Variants in CYTH3 observed in about 807,000 individuals in gnomAD.
CYTH3 encodes the protein cytohesin 3, also known as cytohesin-3.
In CYTH3, 23 loss-of-function variants were observed where a neutral mutation model predicts 55.1. The ratio of observed to expected loss-of-function variants is 0.42; its 90% CI spans 0.30 to 0.59. CYTH3 has a LOEUF of 0.59. Ranked by LOEUF, CYTH3 falls within the 20% of genes least tolerant of loss-of-function variation. The pLI is 0.20. For missense variants in CYTH3, 413 were observed against 524.8 expected (o/e 0.79, Z 2.08); for synonymous variants, 249 against 194.9 (o/e 1.28, Z -2.31).
intron 6 of CYTH3, chr7:6,172,948 G>C: frequency 4.3e-6 from 5 of 1,152,786 alleles, no homozygotes; most frequent in African/African-American, 1.6e-5. Flanking sequence ...ACGTAAACGA[G>C]AACAAGGTAT....
At chr7:6,165,959 C>T in intron 9 of CYTH3, 149 bp from the exon 10 acceptor site, 1 of 730,842 alleles carries the variant, frequency 1.4e-6, no homozygotes, top group South Asian at 1.8e-5. Context: ...AGCGTTCCCA[C>T]CGCAGGGCCC....
chr7:6,205,976 C>G (rs1292169192), intron 1 of CYTH3, among the ~76,000 whole-genome samples: 3 of 135,280 alleles, frequency 2.2e-5, no homozygotes, highest in Non-Finnish European at 4.8e-5. Flanking sequence ...AGAGAAACAA[C>G]TGCTTAAACC....
chr7:6,227,368 A>G (rs764584887), intron 1 of CYTH3, among the ~76,000 whole-genome samples: 5 of 152,178 alleles, frequency 3.3e-5, no homozygotes, highest in Non-Finnish European at 7.3e-5. Context: ...AAAGTCAAAT[A>G]GTACTGAAAG....
chr7:6,253,541 G>A (rs956396814), intron 1 of CYTH3, among the ~76,000 whole-genome samples: 15 of 152,024 alleles, frequency 9.9e-5, no homozygotes, highest in Non-Finnish European at 2.2e-4. Flanking sequence ...AAAACAGCCG[G>A]GCACGGTGGC....
chr7:6,219,655 G>A (rs767024834), intron 1 of CYTH3, among the ~76,000 whole-genome samples: 4 of 152,140 alleles, frequency 2.6e-5, no homozygotes, highest in African/African-American at 4.8e-5. Context: ...ATCTATGGAG[G>A]GCCCTCTTGT....
intron 1 of CYTH3, among the ~76,000 whole-genome samples, chr7:6,252,046 G>A (rs1232327947): frequency 6.6e-6 from 1 of 152,134 alleles, no homozygotes; most frequent in East Asian, 1.9e-4. Context: ...ATATGGACCT[G>A]GTCCTGTTAA....
chr7:6,263,116 T>C (rs1022286665), intron 1 of CYTH3, among the ~76,000 whole-genome samples: 13 of 152,308 alleles, frequency 8.5e-5, no homozygotes, highest in Non-Finnish European at 1.8e-4. Flanking sequence ...TTCTCCAAAA[T>C]ACATTCCATC....
chr7:6,171,356 A>C lies in CYTH3; in HGVS notation c.450-42T>G. The C allele has an allele frequency of 6.3e-7, 1 of 1,590,584 alleles. No homozygotes were observed. The highest frequency in any genetic ancestry group is 2.2e-5 in the East Asian group (1 of 44,694). On this transcript the variant is annotated intron_variant, in intron 6 of 12. Transcript: ENST00000350796. The surrounding 1 kb of genome is among the most constrained non-coding windows in gnomAD (Gnocchi z 6.7). ...GCCATGGGAAGCCGCATCAGAACCAACACCGCCTCACGGCCAAGGGCGGCT... is the reference window on the plus strand; with the variant it reads ...GCCATGGGAAGCCGCATCAGAACCACCACCGCCTCACGGCCAAGGGCGGCT...
chr7:6,228,644 A>G (rs574436210), intron 1 of CYTH3, among the ~76,000 whole-genome samples: 1 of 152,280 alleles, frequency 6.6e-6, no homozygotes, highest in East Asian at 1.9e-4. Flanking sequence ...CAACTTTAAC[A>G]TTTCGCTTCT....
intron 1 of CYTH3, among the ~76,000 whole-genome samples, chr7:6,215,058 G>A (rs1182101645): frequency 1.3e-5 from 2 of 152,142 alleles, no homozygotes; most frequent in Non-Finnish European, 2.9e-5. Flanking sequence ...GGGATAGGAT[G>A]CCCTCTCTTC....
intron 4 of CYTH3, among the ~76,000 whole-genome samples, chr7:6,185,798 T>C (rs886327014): frequency 1.3e-5 from 2 of 151,994 alleles, no homozygotes; most frequent in African/African-American, 4.8e-5. Context: ...CTTCTGTAAA[T>C]ATCACCTGCA....
At chr7:6,190,617 A>G (rs1050292832) in intron 1 of CYTH3, 86 bp from the exon 2 acceptor site, 115 of 1,014,166 alleles carry the variant, frequency 1.1e-4, no homozygotes, top group Admixed American at 1.9e-4. Flanking sequence ...GCTGCCACCC[A>G]GCAATTCCAT....
chr7:6,232,921 G>A (rs1779424895), intron 1 of CYTH3, among the ~76,000 whole-genome samples: 2 of 151,894 alleles, frequency 1.3e-5, no homozygotes, highest in Non-Finnish European at 2.9e-5. Context: ...ATGGTATTTG[G>A]TACTCCTGAC....
Position 6,167,254 on chromosome 7 carries a change from C to G in CYTH3, c.824-1444G>C, listed in dbSNP as rs1783036852. Among the ~76,000 whole-genome samples the G allele has an allele frequency of 3.3e-5, 5 of 152,202 alleles. No homozygotes were observed. The highest frequency in any genetic ancestry group is 3.3e-4 in the Admixed American group (5 of 15,284). On this transcript the variant is annotated intron_variant, in intron 9 of 12. Coordinates refer to ENST00000350796, the MANE Select transcript of CYTH3 (RefSeq NM_004227.4). The surrounding 1 kb of genome is among the most constrained non-coding windows in gnomAD (Gnocchi z 5.5). ...TCCACTGCAGCACACCAGGGAGGCC[C>G]AAGTCCACAGGGGAGGGCAGGAGAC...
At chr7:6,204,418 C>CA (rs978257385) in intron 1 of CYTH3, among the ~76,000 whole-genome samples, 1 of 152,160 alleles carries the variant, frequency 6.6e-6, no homozygotes, top group Admixed American at 6.5e-5. Flanking sequence ...GTACAGGATT[C>CA]AAAAGAGAGC....
chr7:6,236,050 G>C (rs1464015798), intron 1 of CYTH3, among the ~76,000 whole-genome samples: 1 of 152,116 alleles, frequency 6.6e-6, no homozygotes, highest in African/African-American at 2.4e-5. Context: ...CAACAATTAA[G>C]AGCTTCAGCA....
At chr7:6,198,276 C>G (rs1783981309) in intron 1 of CYTH3, among the ~76,000 whole-genome samples, 1 of 152,292 alleles carries the variant, frequency 6.6e-6, no homozygotes, top group South Asian at 2.1e-4. Context: ...CTGAACCAGT[C>G]TCTGCGGAGC....
intron 1 of CYTH3, among the ~76,000 whole-genome samples, chr7:6,232,733 T>C (rs918270546): frequency 2.0e-5 from 3 of 152,220 alleles, no homozygotes; most frequent in African/African-American, 7.2e-5. Context: ...CTGTCCCGCT[T>C]CCCTCGTCTA....
rs200739052 is a variant in CYTH3 at position 6,187,718 on chromosome 7, G to T, written c.121C>A (p.Leu41Met). ...KKELIDDIER[L>M]KYEIAEVMTE... ...ATCACCTCTGCAATTTCATATTTCA[G>T]CCTCTGTCAAAAAAGAAGAATTTCG... Residue 41 changes from leucine (L) to methionine (M), a missense_variant, in exon 3 of 13, where the codon CTG becomes ATG. This residue lies in a region of CYTH3 where 152 missense variants were observed against 148.1 expected (regional missense o/e 1.03). Coordinates refer to ENST00000350796, the MANE Select transcript of CYTH3 (RefSeq NM_004227.4). 1 of 1,614,024 alleles carries T rather than the reference G, an allele frequency of 6.2e-7. No homozygotes were observed. The highest frequency in any genetic ancestry group is 8.5e-7 in the Non-Finnish European group (1 of 1,179,908).
Sources: gnomAD v4.1 joint callset for allele counts (sites outside exome capture counted in the v4.1 genomes callset) on GRCh38, gnomAD v4.1.1 for gene constraint, gnomAD v4.1.1 regional missense constraint, Gnocchi (gnomAD v3.1) non-coding constraint, MANE v1.5 for transcripts, NCBI Gene and HGNC (gene_info 2026-07-23, HGNC 2026-07-21) for gene names.